Variants in MID1 observed in about 807,000 individuals in gnomAD.
The protein encoded by MID1 is E3 ubiquitin-protein ligase Midline-1.
A neutral mutation model predicts 40.4 loss-of-function variants in MID1; 7 were observed. The observed-to-expected ratio is 0.17, with a 90% confidence interval of 0.10 to 0.33. The LOEUF is 0.33. MID1 is among the 10% of genes least tolerant of loss of function. The pLI, the probability that MID1 is intolerant of heterozygous loss-of-function variation, is 1.00. For missense variants in MID1, 367 were observed against 558.5 expected, an observed-to-expected ratio of 0.66 and a Z score of 3.46; for synonymous variants, 229 against 221.2, an observed-to-expected ratio of 1.04 and a Z score of -0.31.
At chrX:10,506,163 C>A in intron 3 of MID1, 1 of 901,673 alleles carries the variant, frequency 1.1e-6, no homozygotes. Context: ...CTTTGATGTC[C>A]AGTGATTCAC....
chrX:10,468,773 G>A (rs1929526505), intron 7 of MID1, among the ~76,000 whole-genome samples: 1 of 111,768 alleles, frequency 8.9e-6, no homozygotes, highest in Admixed American at 9.5e-5. Context: ...AATGTTTCAG[G>A]TAAGGTTGGA....
chrX:10,763,537 T>G (rs189887144), intron 1 of MID1, among the ~76,000 whole-genome samples: 71 of 111,912 alleles, frequency 6.3e-4, no homozygotes, highest in African/African-American at 2.2e-3. Context: ...GGTGTATATG[T>G]GCCACATTTT....
chrX:10,504,477 CTTT>C (rs1234100459), intron 3 of MID1, among the ~76,000 whole-genome samples: 1 of 111,626 alleles, frequency 9.0e-6, no homozygotes, highest in East Asian at 2.8e-4. Context: ...CTAACAAACT[CTTT>C]TTATCTGGAA....
At chrX:10,795,564 G>A (rs7892146) in intron 1 of MID1, among the ~76,000 whole-genome samples, 11,164 of 111,586 alleles carry the variant, frequency 0.1, 463 homozygotes, top group African/African-American at 0.13. Flanking sequence ...TCTGAGACTC[G>A]GCATTATTTT....
intron 2 of MID1, among the ~76,000 whole-genome samples, chrX:10,528,940 G>C (rs1461226469): frequency 1.8e-5 from 2 of 111,255 alleles, no homozygotes; most frequent in East Asian, 5.6e-4. Flanking sequence ...TAATGGTTAA[G>C]TACACAGAAC....
chrX:10,624,592 AT>A (rs1935976415), upstream of MID1, among the ~76,000 whole-genome samples: 1 of 111,509 alleles, frequency 9.0e-6, no homozygotes, highest in Non-Finnish European at 1.9e-5. Context: ...TTTTTATTTT[AT>A]TTCATTTAAC....
chrX:10,822,098 T>C (rs35991810), intron 1 of MID1, among the ~76,000 whole-genome samples: 3,520 of 110,746 alleles, frequency 0.032, 231 homozygotes, highest in East Asian at 0.26. Context: ...AATTATGGCA[T>C]TTTCGCAGTA....
At chrX:10,505,335 T>C (rs1396620093) in intron 3 of MID1, 1 of 751,716 alleles carries the variant, frequency 1.3e-6, no homozygotes, top group Non-Finnish European at 1.6e-6. Context: ...TCACAGCCTT[T>C]TCTTTTTGTG....
intron 2 of MID1, among the ~76,000 whole-genome samples, chrX:10,532,694 G>A (rs952125349): frequency 1.8e-5 from 2 of 111,997 alleles, no homozygotes; most frequent in Non-Finnish European, 3.8e-5. Context: ...CTAAACCAGA[G>A]GTTGGCAAAC....
chrX:10,817,551 T>A (rs2044145742), intron 1 of MID1, among the ~76,000 whole-genome samples: 1 of 103,426 alleles, frequency 9.7e-6, no homozygotes. Context: ...TTTCTTTCTT[T>A]CTTTCTTTCT....
chrX:10,541,390 T>C (rs1933464260), intron 2 of MID1, among the ~76,000 whole-genome samples: 2 of 108,089 alleles, frequency 1.9e-5, no homozygotes, highest in Admixed American at 2.0e-4. Context: ...AACTTCTCCA[T>C]ATCTGAAATC....
At chrX:10,537,473 G>T (rs1933303997) in intron 2 of MID1, among the ~76,000 whole-genome samples, 1 of 112,374 alleles carries the variant, frequency 8.9e-6, no homozygotes, top group Admixed American at 9.4e-5. Flanking sequence ...GGGAGGCAGT[G>T]TCACATGACA....
intron 1 of MID1, among the ~76,000 whole-genome samples, chrX:10,609,156 TACAC>T (rs369473330): frequency 0.049 from 5,278 of 106,941 alleles, 216 homozygotes; most frequent in African/African-American, 0.14. Context: ...CACACGTGCA[TACAC>T]ACACACACAC....
At chrX:10,775,677 A>T (rs1479678525) in intron 1 of MID1, among the ~76,000 whole-genome samples, 1 of 111,601 alleles carries the variant, frequency 9.0e-6, no homozygotes, top group Non-Finnish European at 1.9e-5. Flanking sequence ...CTGTCAAGGG[A>T]TTGTAATAAA....
At chrX:10,609,356 A>C (rs2147530162) in intron 1 of MID1, among the ~76,000 whole-genome samples, 1 of 112,330 alleles carries the variant, frequency 8.9e-6, no homozygotes, top group Non-Finnish European at 1.9e-5. Flanking sequence ...TTGTACCTAA[A>C]AAAAGAGAAG....
intron 4 of MID1, among the ~76,000 whole-genome samples, chrX:10,494,639 T>C (rs1018399927): frequency 6.4e-5 from 7 of 108,765 alleles, no homozygotes; most frequent in Admixed American, 2.0e-4. Context: ...CCAGGTGTGG[T>C]GGCCCATGCC....
intron 1 of MID1, among the ~76,000 whole-genome samples, chrX:10,618,739 G>A (rs750804969): frequency 2.5e-3 from 281 of 111,584 alleles, no homozygotes; most frequent in Non-Finnish European, 4.4e-3. Context: ...AAGGCACGGA[G>A]ACTGCCATGG....
intron 1 of MID1, among the ~76,000 whole-genome samples, chrX:10,609,071 A>C (rs1029755566): frequency 9.0e-6 from 1 of 111,638 alleles, no homozygotes; most frequent in East Asian, 2.8e-4. Context: ...TATTAGGATA[A>C]TTTGTCCGAA....
chrX:10,480,958 A>G (rs953385443), intron 5 of MID1, among the ~76,000 whole-genome samples: 2 of 112,322 alleles, frequency 1.8e-5, no homozygotes, highest in African/African-American at 6.5e-5. Flanking sequence ...ACAAGCAAGC[A>G]CTCAATAAAT....
Sources: gnomAD v4.1 joint callset for allele counts (sites outside exome capture counted in the v4.1 genomes callset) on GRCh38, gnomAD v4.1.1 for gene constraint, MANE v1.5 for transcripts, NCBI Gene and HGNC (gene_info 2026-07-23, HGNC 2026-07-21) for gene names.